The following PRDM1 variants were observed in gnomAD, a reference collection of about 807,000 sequenced individuals.
PRDM1 encodes the protein PR domain zinc finger protein 1.
A neutral mutation model predicts 62.8 loss-of-function variants in PRDM1; 13 were observed. The ratio of observed to expected loss-of-function variants is 0.21; its 90% confidence interval spans 0.13 to 0.33. The LOEUF is 0.33. PRDM1 is among the 10% of genes least tolerant of loss of function. The pLI, the probability that PRDM1 is intolerant of heterozygous loss-of-function variation, is 1.00. For synonymous variants in PRDM1, 396 were observed against 417.6 expected (o/e 0.95, Z 0.63); for missense variants, 895 against 1,058.8 (o/e 0.85, Z 2.15).
In PRDM1 at chr6:106,104,984, C is replaced by T. The variant is rs777939985; in HGVS notation, c.824C>T (p.Thr275Ile). ...DLYRSNISPLTSEKDLDDFRR... is the reference protein window; with the variant it reads ...DLYRSNISPLISEKDLDDFRR... ...TACCGTTCTAACATTTCACCCCTCACATCAGAAAAGGACCTCGATGACTTT... is the reference window on the plus strand; with the variant it reads ...TACCGTTCTAACATTTCACCCCTCATATCAGAAAAGGACCTCGATGACTTT... The change falls in exon 5 of 7, where the codon ACA becomes ATA. Residue 275 changes from threonine (T) to isoleucine (I), a missense_variant. Thr to Ile is a moderately conservative substitution (Grantham distance 89). This residue lies in a region of PRDM1 where 444 missense variants were observed against 422.7 expected (regional missense o/e 1.05). Coordinates refer to ENST00000369096, the MANE Select transcript of PRDM1 (RefSeq NM_001198.4). The T allele has an allele frequency of 3.7e-6, 6 of 1,614,164 alleles. No homozygotes were observed. The highest frequency in any genetic ancestry group is 5.1e-6 in the Non-Finnish European group (6 of 1,180,020).
rs1303069902 is a variant in PRDM1, at chr6:106,105,393, C to T, written c.1233C>T (p.Pro411=). Residue 411 remains proline, a synonymous_variant, in exon 5 of 7, where the codon CCC becomes CCT. Transcript: ENST00000369096. ...TCCCCTCGTACAACGCTCACTACCC[C>T]AAGTTCCTCTTGCCCCCCTACGGCA... ...AFIPSYNAHY[P]KFLLPPYGMN... The T allele has an allele frequency of 2.5e-6, 4 of 1,614,078 alleles. No homozygotes were observed. The highest frequency in any genetic ancestry group is 2.5e-6 in the Non-Finnish European group (3 of 1,180,048).
rs917096774 is a variant in PRDM1, at chr6:106,107,694, A to ATATATATC, written c.*213_*214insATCTATAT. On this transcript the variant is annotated 3_prime_UTR_variant, in exon 7 of 7. Coordinates refer to ENST00000369096, the MANE Select transcript of PRDM1 (RefSeq NM_001198.4). Reference sequence around the variant, plus strand: ...GCAAAGGCCATATATATATATATATATATATCTGTATACATATTATATATA... The same window carrying ATATATATC: ...GCAAAGGCCATATATATATATATATATATATATCTATATCTGTATACATATTATATATA... 2 of 224,342 alleles carry ATATATATC rather than the reference A, an allele frequency of 8.9e-6. No homozygotes were observed. Among genetic ancestry groups the ATATATATC allele is most frequent in the Non-Finnish European group, 1.7e-5 (2 of 116,492 alleles). 13.9% of individuals were successfully genotyped at this position (224,342 alleles called of 1,614,324 possible).
At chr6:106,045,199 A>C (rs1773055121), upstream of PRDM1, among the ~76,000 whole-genome samples, 1 of 152,296 alleles carries the variant, frequency 6.6e-6, no homozygotes, top group Admixed American at 6.5e-5. Context: ...TTGTTATGAC[A>C]TTGTTCAGGT....
chr6:106,006,844 C>G (rs112620495), intron 1 of PRDM1, among the ~76,000 whole-genome samples: 39 of 151,778 alleles, frequency 2.6e-4, no homozygotes, highest in Non-Finnish European at 5.4e-4. Context: ...ATCTCATCAC[C>G]CTGGGGCTGG....
chr6:106,041,810 T>C (rs1216792514), intron 1 of PRDM1, among the ~76,000 whole-genome samples: 15 of 61,408 alleles, frequency 2.4e-4, no homozygotes. Context: ...TATTTCTTTC[T>C]TTTTTTTTTT....
chr6:105,996,688 C>G (rs865868936), intron 1 of PRDM1, among the ~76,000 whole-genome samples: 5 of 152,256 alleles, frequency 3.3e-5, no homozygotes, highest in Middle Eastern at 3.4e-3. Context: ...ATCTTTATGG[C>G]TATTTTAAAT....
chr6:106,090,083 C>T (rs987959975), intron 2 of PRDM1, among the ~76,000 whole-genome samples: 5 of 152,202 alleles, frequency 3.3e-5, no homozygotes, highest in African/African-American at 1.2e-4. Flanking sequence ...GAAAGACAGT[C>T]ACTTACCCAA....
Position 106,099,570 on chromosome 6 carries a change from C to A in PRDM1, c.664+18C>A, listed in dbSNP as rs1562170479. 4.4e-6 allele frequency: 7 copies of A among 1,606,420 alleles called. No homozygotes were observed. Among genetic ancestry groups the A allele is most frequent in the South Asian group, 3.3e-5 (3 of 90,104 alleles). On this transcript the variant is annotated intron_variant, in intron 4 of 6. Coordinates refer to ENST00000369096, the MANE Select transcript of PRDM1 (RefSeq NM_001198.4). ...GAATCTCAGTAAGTGGATTACAGAACAAAAAAATAAAAAATGCCAGTAATG... is the reference window on the plus strand; with the variant it reads ...GAATCTCAGTAAGTGGATTACAGAAAAAAAAAATAAAAAATGCCAGTAATG...
At chr6:106,023,989 C>T (rs1355271258) in intron 1 of PRDM1, among the ~76,000 whole-genome samples, 2 of 152,126 alleles carry the variant, frequency 1.3e-5, no homozygotes, top group Middle Eastern at 3.4e-3. Flanking sequence ...AAAAAATTTA[C>T]AAATTAGCCA....
intron 1 of PRDM1, among the ~76,000 whole-genome samples, chr6:106,000,182 T>C (rs755585079): frequency 1.3e-5 from 2 of 152,206 alleles, no homozygotes; most frequent in Non-Finnish European, 2.9e-5. Flanking sequence ...CAAAAAACTA[T>C]AGAGAATATT....
chr6:106,047,801 A>C (rs1773105536), upstream of PRDM1, among the ~76,000 whole-genome samples: 1 of 152,242 alleles, frequency 6.6e-6, no homozygotes, highest in African/African-American at 2.4e-5. Flanking sequence ...TGGTTAGCCA[A>C]GTGAGAGCAA....
At chr6:106,052,904 T>C (rs1359566058) in intron 1 of PRDM1, among the ~76,000 whole-genome samples, 1 of 152,020 alleles carries the variant, frequency 6.6e-6, no homozygotes, top group Non-Finnish European at 1.5e-5. Context: ...AAGACTGAGG[T>C]TGCAGTGAGC....
chr6:106,030,996 C>CTTTTTTTTTTTTTTT (rs11343130), intron 1 of PRDM1, among the ~76,000 whole-genome samples: 8 of 135,310 alleles, frequency 5.9e-5, no homozygotes, highest in Non-Finnish European at 3.2e-5. Flanking sequence ...TGTATTCTCT[C>CTTTTTTTTTTTTTTT]TTTTTTTTTT....
rs1274486123 is a variant in PRDM1, at chr6:106,104,865, A to G, written c.705A>G (p.Lys235=). Reference sequence around the variant, plus strand: ...GTCTAAAGCAACCGAGCACTGAGAAAAATGAACTCTGCCCAAAGAATGTCC... The same window carrying G: ...GTCTAAAGCAACCGAGCACTGAGAAGAATGAACTCTGCCCAAAGAATGTCC... The part of the protein sequence containing the change: ...QSSLKQPSTE[K]NELCPKNVPK... The change falls in exon 5 of 7, where the codon AAA becomes AAG. Residue 235 remains lysine (K), a synonymous_variant. Coordinates refer to ENST00000369096, the MANE Select transcript of PRDM1 (RefSeq NM_001198.4). 5.0e-6 allele frequency: 8 copies of G among 1,614,096 alleles called. No individual in the cohort carries two copies. Among genetic ancestry groups the G allele is most frequent in the Non-Finnish European group, 5.9e-6 (7 of 1,180,014 alleles).
upstream of PRDM1, among the ~76,000 whole-genome samples, chr6:106,086,053 C>T (rs1028776820): frequency 6.6e-6 from 1 of 152,116 alleles, no homozygotes; most frequent in Admixed American, 6.5e-5. Flanking sequence ...GAACGTGCGC[C>T]CCCTAATTCT....
chr6:106,066,224 T>C (rs1393403669), intron 1 of PRDM1, among the ~76,000 whole-genome samples: 1 of 152,142 alleles, frequency 6.6e-6, no homozygotes, highest in Non-Finnish European at 1.5e-5. Context: ...GGCTTTATCT[T>C]ATCCCTGCTG....
intron 1 of PRDM1, chr6:106,087,771 GCTC>G (rs1297229320): frequency 1.3e-5 from 3 of 233,948 alleles, no homozygotes; most frequent in African/African-American, 6.6e-5. Flanking sequence ...GGCAGACAGA[GCTC>G]CTTCCTCTTC....
intron 1 of PRDM1, among the ~76,000 whole-genome samples, chr6:106,040,697 A>G (rs1438534908): frequency 6.6e-6 from 1 of 152,210 alleles, no homozygotes; most frequent in Non-Finnish European, 1.5e-5. Context: ...ATTAATTTGC[A>G]GTTATGAATT....
chr6:106,043,194 G>C (rs958968503), intron 1 of PRDM1, among the ~76,000 whole-genome samples: 35 of 152,114 alleles, frequency 2.3e-4, no homozygotes, highest in African/African-American at 8.2e-4. Flanking sequence ...TCACCTCACA[G>C]AGTGGTCTTC....
Sources: allele counts gnomAD v4.1 joint callset (sites outside exome capture counted in the v4.1 genomes callset), GRCh38; gene constraint gnomAD v4.1.1; regional missense constraint gnomAD v4.1.1; transcripts MANE v1.5; gene names NCBI Gene and HGNC (gene_info 2026-07-23, HGNC 2026-07-21).